SLC44A5: variants seen among roughly 807,000 people sequenced by gnomAD.
SLC44A5 encodes the protein choline transporter-like protein 5.
SLC44A5 carries 57 observed loss-of-function variants against 101.8 expected under a neutral mutation model. The ratio of observed to expected loss-of-function variants is 0.56; its 90% confidence interval spans 0.45 to 0.70. The LOEUF is 0.70. Ranked by LOEUF, SLC44A5 falls within the 30% of genes least tolerant of loss-of-function variation. The pLI is 0.00. For synonymous variants in SLC44A5, 281 were observed against 290.9 expected (o/e 0.97, Z 0.35); for missense variants, 737 against 853.1 (o/e 0.86, Z 1.70).
chr1:75,527,403 G>A (rs569682163), intron 2 of SLC44A5, among the ~76,000 whole-genome samples: 64 of 140,504 alleles, frequency 4.6e-4, no homozygotes, highest in African/African-American at 1.5e-3. Context: ...TGGGTCAGAT[G>A]TGTCACACCC....
At chr1:75,577,438 G>A (rs1037543435) in intron 1 of SLC44A5, among the ~76,000 whole-genome samples, 5 of 152,124 alleles carry the variant, frequency 3.3e-5, no homozygotes, top group Non-Finnish European at 5.9e-5. Flanking sequence ...GCATGCTCCC[G>A]CCTCAGAGCC....
At chr1:75,369,510 G>A (rs373574318) in intron 3 of SLC44A5, among the ~76,000 whole-genome samples, 7 of 152,064 alleles carry the variant, frequency 4.6e-5, no homozygotes, top group Non-Finnish European at 1.0e-4. Context: ...GATGATAGCC[G>A]TGATTCATGA....
chr1:75,388,604 C>A (rs567316857), intron 3 of SLC44A5, among the ~76,000 whole-genome samples: 27 of 151,956 alleles, frequency 1.8e-4, no homozygotes, highest in Admixed American at 3.3e-4. Flanking sequence ...CGTGGTGAAA[C>A]CCTGTCTCTA....
intron 5 of SLC44A5, among the ~76,000 whole-genome samples, chr1:75,291,967 G>C (rs553105778): frequency 6.7e-6 from 1 of 149,366 alleles, no homozygotes; most frequent in Non-Finnish European, 1.5e-5. Context: ...AGCCGAGATC[G>C]CGCCACTGCA....
At chr1:75,231,301 G>A (rs1252799711) in intron 12 of SLC44A5, among the ~76,000 whole-genome samples, 3 of 152,124 alleles carry the variant, frequency 2.0e-5, no homozygotes, top group Admixed American at 6.5e-5. Context: ...TTTAGCTCAT[G>A]AGTTATTTTT....
At chr1:75,446,717 A>G (rs1179218464) in intron 2 of SLC44A5, among the ~76,000 whole-genome samples, 2 of 151,994 alleles carry the variant, frequency 1.3e-5, no homozygotes, top group Non-Finnish European at 2.9e-5. Context: ...GCCCATTTCA[A>G]TTGGCTTTGG....
chr1:75,287,152 C>G (rs933160532), intron 5 of SLC44A5, among the ~76,000 whole-genome samples: 3 of 151,600 alleles, frequency 2.0e-5, no homozygotes, highest in African/African-American at 7.3e-5. Context: ...ATTTTTCTGT[C>G]TTTGTTGGAT....
rs943035188 is a variant in SLC44A5 at position 75,234,595 on chromosome 1, C to T, written c.741-497G>A. Among the ~76,000 whole-genome samples the T allele has an allele frequency of 2.0e-4, 30 of 152,072 alleles. 1 individual carries two copies. The South Asian group carries it at 3.3e-3, about 17-fold the overall frequency. ...GATAAGAAAAATAACTGGCCATCCC[C>T]GGAGCCCATAATGCTGTAGTCATTA... is the stretch of plus-strand genomic sequence containing the variant. On this transcript the variant is annotated intron_variant, in intron 11 of 23. Transcript: ENST00000370859.
chr1:75,502,204 G>T (rs13376684), intron 2 of SLC44A5, among the ~76,000 whole-genome samples: 1 of 152,164 alleles, frequency 6.6e-6, no homozygotes, highest in Admixed American at 6.6e-5. Context: ...TCACAGGCAC[G>T]CACAACATGC....
At chr1:75,722,884 G>A in the SLC44A5 span, among the ~76,000 whole-genome samples, 3 of 152,192 alleles carry the variant, frequency 2.0e-5, no homozygotes, top group Admixed American at 6.5e-5. Flanking sequence ...TCTGTTGGCC[G>A]TAATAAAGAA....
At chr1:75,512,963 T>C (rs911290796) in intron 2 of SLC44A5, among the ~76,000 whole-genome samples, 1 of 152,264 alleles carries the variant, frequency 6.6e-6, no homozygotes, top group African/African-American at 2.4e-5. Flanking sequence ...TCATCCATTA[T>C]CTTAATTCTA....
chr1:75,358,455 G>A (rs1286938501), intron 3 of SLC44A5, among the ~76,000 whole-genome samples: 1 of 151,824 alleles, frequency 6.6e-6, no homozygotes, highest in Non-Finnish European at 1.5e-5. Flanking sequence ...ATGTATAACT[G>A]GAAAATAAAA....
intron 1 of SLC44A5, among the ~76,000 whole-genome samples, chr1:75,592,045 G>T (rs1158203302): frequency 6.6e-6 from 1 of 152,010 alleles, no homozygotes; most frequent in Non-Finnish European, 1.5e-5. Context: ...TCAGACAAGA[G>T]AAAAATATAA....
At chr1:75,681,415 A>C in the SLC44A5 span, among the ~76,000 whole-genome samples, 2 of 151,354 alleles carry the variant, frequency 1.3e-5, no homozygotes, top group Non-Finnish European at 3.0e-5. Context: ...CACCATGATC[A>C]AGTGGGCTTC....
chr1:75,569,240 T>A (rs1395484196), intron 1 of SLC44A5, among the ~76,000 whole-genome samples: 1 of 47,332 alleles, frequency 2.1e-5, no homozygotes, highest in Non-Finnish European at 5.3e-5. Context: ...ATCTCTACCT[T>A]TTTTTTTTTT....
intron 4 of SLC44A5, chr1:75,311,628 G>C: frequency 1.1e-6 from 1 of 926,316 alleles, no homozygotes; most frequent in East Asian, 1.2e-4. Flanking sequence ...TTTTGTGCCG[G>C]ATACTGTGGC....
intron 1 of SLC44A5, among the ~76,000 whole-genome samples, chr1:75,570,593 T>C (rs1332784): frequency 0.28 from 42,913 of 152,080 alleles, 6,866 homozygotes; most frequent in African/African-American, 0.42. Flanking sequence ...GCAGTTTTTG[T>C]GGTTTTAAAG....
intron 3 of SLC44A5, among the ~76,000 whole-genome samples, chr1:75,360,521 A>T (rs1225132379): frequency 6.6e-6 from 1 of 152,066 alleles, no homozygotes; most frequent in African/African-American, 2.4e-5. Flanking sequence ...ATTCTTCTAC[A>T]TTTGGATATC....
intron 5 of SLC44A5, among the ~76,000 whole-genome samples, chr1:75,296,264 G>A (rs1653950241): frequency 6.6e-6 from 1 of 151,986 alleles, no homozygotes; most frequent in African/African-American, 2.4e-5. Flanking sequence ...CGTATTCAAG[G>A]GGAAAGGATT....
Sources: allele counts gnomAD v4.1 joint callset (sites outside exome capture counted in the v4.1 genomes callset), GRCh38; gene constraint gnomAD v4.1.1; transcripts MANE v1.5; gene names NCBI Gene and HGNC (gene_info 2026-07-23, HGNC 2026-07-21).